Variants in SNRNP70 observed in about 807,000 individuals in gnomAD.
SNRNP70 encodes small nuclear ribonucleoprotein U1 subunit 70.
A neutral mutation model predicts 50.5 loss-of-function variants in SNRNP70; 8 were observed. The observed-to-expected ratio is 0.16, with a 90% CI of 0.09 to 0.29. The LOEUF (loss-of-function observed/expected upper bound fraction) is 0.29, where lower values mean the gene tolerates loss of function less well. Among genes scored for constraint, SNRNP70 ranks in the 10% least tolerant of loss-of-function variants. SNRNP70 has a pLI of 1.00. For synonymous variants in SNRNP70, 320 were observed against 252.9 expected (o/e 1.27, Z -2.52); for missense variants, 529 against 663.5 (o/e 0.80, Z 2.23).
At position 49,107,568 on chromosome 19, in the gene SNRNP70, C is replaced by T. The variant is rs2040688659; in HGVS notation, c.578-57C>T. The stretch of plus-strand genomic sequence containing the variant: ...TGCTCTTGGAGTCGGCTCATTTCTG[C>T]TCCTCCGGGCCCTGTCCCTGCCCAG... On this transcript the variant is annotated intron_variant, in intron 8 of 9. Coordinates refer to ENST00000598441, the MANE Select transcript of SNRNP70 (RefSeq NM_003089.6). This position sits in a 1 kb window ranked among gnomAD's most constrained non-coding sequence, Gnocchi z 6.0. The T allele has an allele frequency of 1.9e-6, 3 of 1,544,872 alleles. No individual in the cohort carries two copies. The highest frequency in any genetic ancestry group is 4.5e-5 in the East Asian group (2 of 44,486).
intron 1 of SNRNP70, 143 bp from the exon 2 acceptor site, chr19:49,086,262 C>G (rs1045458763): frequency 1.1e-6 from 1 of 915,054 alleles, no homozygotes; most frequent in African/African-American, 1.7e-5. Flanking sequence ...CTCCGCAACA[C>G]AGGACTGTTC....
intron 4 of SNRNP70, among the ~76,000 whole-genome samples, chr19:49,091,238 G>A (rs981314815): frequency 6.6e-6 from 1 of 151,786 alleles, no homozygotes; most frequent in African/African-American, 2.4e-5. Context: ...GCGTGGTGGC[G>A]AGCGTCTGTA....
chr19:49,108,135 G>A lies in SNRNP70; in HGVS notation c.1006G>A (p.Gly336Arg), dbSNP rs764425033. The A allele has an allele frequency of 2.6e-6, 4 of 1,544,486 alleles. No individual in the cohort carries two copies. Among genetic ancestry groups the A allele is most frequent in the East Asian group, 2.4e-5 (1 of 42,104 alleles). Residue 336 changes from glycine to arginine, a missense_variant, in exon 10 of 10, where the codon GGG becomes AGG. Around this residue, in one of 4 missense-constraint regions of SNRNP70, gnomAD observed 327 missense variants for 308.8 expected, o/e 1.06. Coordinates refer to ENST00000598441, the MANE Select transcript of SNRNP70 (RefSeq NM_003089.6). ...PPDDGPPGELGPDGPDGPEEK... is the reference protein window; with the variant it reads ...PPDDGPPGELRPDGPDGPEEK... ...TGATGATGGGCCTCCAGGGGAGCTCGGGCCTGACGGCCCTGACGGTCCAGA... is the reference window on the plus strand; with the variant it reads ...TGATGATGGGCCTCCAGGGGAGCTCAGGCCTGACGGCCCTGACGGTCCAGA...
At chr19:49,086,245 C>T (rs923304648) in intron 1 of SNRNP70, among the ~76,000 whole-genome samples, 160 bp from the exon 2 acceptor site, 2 of 152,202 alleles carry the variant, frequency 1.3e-5, no homozygotes, top group Non-Finnish European at 2.9e-5. Flanking sequence ...CCAAGACGTA[C>T]CCTTTTCTCC....
rs775901020 is a variant in SNRNP70, at chr19:49,086,514, C to T, written c.100C>T (p.His34Tyr). 3 of 1,614,064 alleles carry T rather than the reference C, an allele frequency of 1.9e-6. No individual in the cohort carries two copies. The highest frequency in any genetic ancestry group is 2.5e-6 in the Non-Finnish European group (3 of 1,180,012). The change falls in exon 2 of 10, where the codon CAC becomes TAC. Residue 34 changes from histidine to tyrosine, a missense_variant. His to Tyr is a moderately conservative substitution (Grantham distance 83). Transcript: ENST00000598441. Reference protein sequence around the residue: ...PLEKLPHEKHHNQPYCGIAPY... With the variant: ...PLEKLPHEKHYNQPYCGIAPY... ...GGAGAAACTGCCACATGAAAAACACCACAATCAACCTTATTGTGGCATTGC... is the reference window on the plus strand; with the variant it reads ...GGAGAAACTGCCACATGAAAAACACTACAATCAACCTTATTGTGGCATTGC...
chr19:49,090,453 T>C lies in SNRNP70; in HGVS notation c.211-13T>C. The C allele has an allele frequency of 6.2e-7, 1 of 1,614,036 alleles. No homozygotes were observed. The highest frequency in any genetic ancestry group is 8.5e-7 in the Non-Finnish European group (1 of 1,179,926). On this transcript the variant is annotated splice_polypyrimidine_tract_variant and intron_variant, in intron 3 of 9. Coordinates refer to ENST00000598441, the MANE Select transcript of SNRNP70 (RefSeq NM_003089.6). ...TCTGCATTCACTTCTCCACCTCCCC[T>C]TTCTCCTGACAGAGACGGGAAAAGA...
chr19:49,097,003 G>A (rs2040521686), intron 4 of SNRNP70, among the ~76,000 whole-genome samples: 1 of 151,950 alleles, frequency 6.6e-6, no homozygotes, highest in South Asian at 2.1e-4. Flanking sequence ...GGTGGTGCAC[G>A]CCTGTAATCC....
chr19:49,087,207 G>T (rs956253938), intron 2 of SNRNP70, among the ~76,000 whole-genome samples: 4 of 148,374 alleles, frequency 2.7e-5, no homozygotes, highest in Non-Finnish European at 6.0e-5. Flanking sequence ...AAGTGGGGTT[G>T]ATAGTACACC....
At chr19:49,099,607 C>T (rs1012948262) in intron 6 of SNRNP70, among the ~76,000 whole-genome samples, 6 of 151,242 alleles carry the variant, frequency 4.0e-5, no homozygotes, top group African/African-American at 1.5e-4. Context: ...GGCATGATAG[C>T]GGGCGCCCGT....
Position 49,104,370 on chromosome 19 carries a change from C to G in SNRNP70, c.476-264C>G, listed in dbSNP as rs1249739584. 1 of 449,310 alleles carries G rather than the reference C, an allele frequency of 2.2e-6. No homozygotes were observed. Among genetic ancestry groups the G allele is most frequent in the Non-Finnish European group, 4.0e-6 (1 of 248,398 alleles). 27.8% of individuals were successfully genotyped at this position (449,310 alleles called of 1,614,324 possible). A position where few individuals can be genotyped will look rare whatever the true frequency, so the allele number is the denominator to read the frequency against. ...TGTGGGAGAGGAAGGGCCGGGGAGCCTAGGGGGTGGCGGGTGAGGGTGGAC... is the reference window on the plus strand; with the variant it reads ...TGTGGGAGAGGAAGGGCCGGGGAGCGTAGGGGGTGGCGGGTGAGGGTGGAC... On this transcript the variant is annotated intron_variant, in intron 7 of 9. Coordinates refer to ENST00000598441, the MANE Select transcript of SNRNP70 (RefSeq NM_003089.6). This position sits in a 1 kb window ranked among gnomAD's most constrained non-coding sequence, Gnocchi z 5.4.
chr19:49,088,611 C>T (rs1370387795), intron 2 of SNRNP70, among the ~76,000 whole-genome samples: 2 of 151,692 alleles, frequency 1.3e-5, no homozygotes, highest in South Asian at 4.2e-4. Context: ...ATTCTCCTGC[C>T]TCAGCCTCCT....
At chr19:49,093,703 A>AAAAAG (rs2040478717) in intron 4 of SNRNP70, among the ~76,000 whole-genome samples, 1 of 150,274 alleles carries the variant, frequency 6.7e-6, no homozygotes, top group Non-Finnish European at 1.5e-5. Context: ...CAAAAAAAAA[A>AAAAAG]ACAGTTCCAG....
intron 6 of SNRNP70, among the ~76,000 whole-genome samples, chr19:49,099,148 T>A (rs2040549216): frequency 6.6e-6 from 1 of 152,214 alleles, no homozygotes; most frequent in Non-Finnish European, 1.5e-5. Context: ...ACTGAAGTGC[T>A]CTGTGTCTGA....
rs2040430154 is a variant in SNRNP70 at position 49,090,142 on chromosome 19, T to A, written c.148-149T>A. On this transcript the variant is annotated intron_variant, in intron 2 of 9. Coordinates refer to ENST00000598441, the MANE Select transcript of SNRNP70 (RefSeq NM_003089.6). Reference sequence around the variant, plus strand: ...CTTGCTTTGATCTGTGCCACTCCCCTCCCTCCACTGTGTCAGGGGAAGTGT... The same window carrying A: ...CTTGCTTTGATCTGTGCCACTCCCCACCCTCCACTGTGTCAGGGGAAGTGT... 4 of 682,292 alleles carry A rather than the reference T, an allele frequency of 5.9e-6. No individual in the cohort carries two copies. The South Asian group carries it at 6.8e-5, about 12-fold the overall frequency. The allele number at this position is 682,292 out of a possible 1,614,324, so 42.3% of individuals were successfully genotyped here. A position where few individuals can be genotyped will look rare whatever the true frequency, so the allele number is the denominator to read the frequency against.
chr19:49,091,307 T>C (rs1382278710), intron 4 of SNRNP70, among the ~76,000 whole-genome samples: 2 of 151,166 alleles, frequency 1.3e-5, no homozygotes, highest in Non-Finnish European at 2.9e-5. Flanking sequence ...AGGCGGAGGT[T>C]GCAGTGAGCC....
At position 49,086,420 on chromosome 19, in the gene SNRNP70, C is replaced by G; in HGVS notation, c.6C>G (p.Thr2=). The change falls in exon 2 of 10, where the codon ACC becomes ACG. Residue 2 remains threonine, a synonymous_variant. Transcript: ENST00000598441. Reference sequence around the variant, plus strand: ...CTGCTCTCAGACTTGGCAAGATGACCCAGTTCCTGCCGCCCAACCTTCTGG... The same window carrying G: ...CTGCTCTCAGACTTGGCAAGATGACGCAGTTCCTGCCGCCCAACCTTCTGG... M[T]QFLPPNLLAL... is the part of the protein sequence containing the mutation. 6.2e-7 allele frequency: 1 copy of G among 1,612,586 alleles called. No homozygotes were observed. Among genetic ancestry groups the G allele is most frequent in the Non-Finnish European group, 8.5e-7 (1 of 1,179,178 alleles).
intron 4 of SNRNP70, among the ~76,000 whole-genome samples, chr19:49,093,702 A>C (rs2040478619): frequency 6.7e-6 from 1 of 149,716 alleles, no homozygotes; most frequent in East Asian, 2.0e-4. Context: ...ACAAAAAAAA[A>C]AACAGTTCCA....
intron 2 of SNRNP70, chr19:49,087,868 A>G (rs1233997765): frequency 2.0e-5 from 3 of 152,216 alleles, no homozygotes; most frequent in Non-Finnish European, 4.4e-5. Flanking sequence ...GGCGGGTGGT[A>G]GGTGCCCTTT....
In SNRNP70 at chr19:49,098,690, G is replaced by A. The variant is rs1456174578; in HGVS notation, c.379G>A (p.Gly127Arg). 1.2e-6 allele frequency: 2 copies of A among 1,613,772 alleles called. No homozygotes were observed. Among genetic ancestry groups the A allele is most frequent in the Non-Finnish European group, 1.7e-6 (2 of 1,179,818 alleles). The change falls in exon 6 of 10, where the codon GGA becomes AGA. Residue 127 changes from glycine to arginine, a missense_variant. Gly to Arg is a moderately radical substitution (Grantham distance 125). Transcript: ENST00000598441. Reference protein sequence around the residue: ...SKLRREFEVYGPIKRIHMVYS... With the variant: ...SKLRREFEVYRPIKRIHMVYS... Reference sequence around the variant, plus strand: ...GCTCCGGAGAGAGTTTGAGGTGTACGGACCTATCAAAAGAGTAAGTGGAGT... The same window carrying A: ...GCTCCGGAGAGAGTTTGAGGTGTACAGACCTATCAAAAGAGTAAGTGGAGT...
Sources: gnomAD v4.1 joint callset for allele counts (sites outside exome capture counted in the v4.1 genomes callset) on GRCh38, gnomAD v4.1.1 for gene constraint, gnomAD v4.1.1 regional missense constraint, Gnocchi (gnomAD v3.1) non-coding constraint, MANE v1.5 for transcripts, NCBI Gene and HGNC (gene_info 2026-07-23, HGNC 2026-07-21) for gene names.